The following EPHA6 variants were observed in gnomAD, a reference collection of about 807,000 sequenced individuals.
The protein encoded by EPHA6 is ephrin type-A receptor 6.
EPHA6 carries 50 observed loss-of-function variants against 112.0 expected under a neutral mutation model. The observed-to-expected ratio is 0.45, with a 90% CI of 0.36 to 0.56. The LOEUF is 0.56. Among genes scored for constraint, EPHA6 ranks in the 20% least tolerant of loss-of-function variants. The pLI is 0.00. For synonymous variants in EPHA6, 529 were observed against 490.7 expected (o/e 1.08, Z -1.03); for missense variants, 1,280 against 1,417.4 (o/e 0.90, Z 1.56).
intron 3 of EPHA6, among the ~76,000 whole-genome samples, chr3:97,097,722 A>G (rs1464986882): frequency 6.6e-6 from 1 of 151,918 alleles, no homozygotes; most frequent in East Asian, 1.9e-4. Flanking sequence ...CATAATAGGT[A>G]CAATAAATGT....
At chr3:97,362,920 G>C (rs2084453835) in intron 5 of EPHA6, among the ~76,000 whole-genome samples, 1 of 151,182 alleles carries the variant, frequency 6.6e-6, no homozygotes, top group Non-Finnish European at 1.5e-5. Flanking sequence ...CAATGCTCCT[G>C]ACAAAAAGGA....
At chr3:97,293,478 GA>G (rs1304626102) in intron 5 of EPHA6, among the ~76,000 whole-genome samples, 2 of 152,200 alleles carry the variant, frequency 1.3e-5, no homozygotes, top group African/African-American at 4.8e-5. Context: ...GAGACTCATG[GA>G]GGGGAGCTCC....
chr3:96,974,597 T>G (rs2042448394), intron 2 of EPHA6, among the ~76,000 whole-genome samples: 1 of 152,060 alleles, frequency 6.6e-6, no homozygotes, highest in African/African-American at 2.4e-5. Context: ...TTATACATGC[T>G]TCTACAGAAT....
chr3:97,250,080 T>C lies in EPHA6; in HGVS notation c.1606+5793T>C, dbSNP rs1489571286. On this transcript the variant is annotated intron_variant, in intron 5 of 17. Transcript: ENST00000389672. ...AGCAGATCACGAATTGAAGAGAAAA[T>C]CTTGTAACTATATAAAAGAAGACTA... Among the ~76,000 whole-genome samples, 5 of 152,168 alleles carry C rather than the reference T, an allele frequency of 3.3e-5. No individual in the cohort carries two copies. In the East Asian group the frequency reaches 9.7e-4, roughly 29 times the overall value.
At chr3:97,476,044 A>T (rs972348567) in intron 8 of EPHA6, among the ~76,000 whole-genome samples, 3 of 152,270 alleles carry the variant, frequency 2.0e-5, no homozygotes, top group African/African-American at 7.2e-5. Context: ...TACAGGTTTG[A>T]TACAAAAGTA....
chr3:97,023,361 G>C (rs978587975), intron 3 of EPHA6, among the ~76,000 whole-genome samples: 4 of 152,126 alleles, frequency 2.6e-5, no homozygotes, highest in Non-Finnish European at 5.9e-5. Flanking sequence ...TTACAGGCTT[G>C]AGCCACCGCT....
intron 3 of EPHA6, among the ~76,000 whole-genome samples, chr3:97,054,706 G>A (rs1470955771): frequency 6.6e-6 from 1 of 151,920 alleles, no homozygotes; most frequent in East Asian, 1.9e-4. Context: ...TATAATTATT[G>A]CTTCAAAAAG....
intron 5 of EPHA6, among the ~76,000 whole-genome samples, chr3:97,348,777 A>G (rs1329337410): frequency 6.6e-6 from 1 of 152,068 alleles, no homozygotes; most frequent in Non-Finnish European, 1.5e-5. Context: ...GGGGCAGGAT[A>G]GTCTGGGAGC....
chr3:97,102,691 A>C (rs145581318), intron 3 of EPHA6, among the ~76,000 whole-genome samples: 110 of 152,192 alleles, frequency 7.2e-4, no homozygotes, highest in African/African-American at 2.6e-3. Flanking sequence ...TTTTTGAGGA[A>C]TCACCATGCT....
At chr3:96,818,627 T>C (rs1216541093) in intron 1 of EPHA6, among the ~76,000 whole-genome samples, 1 of 151,986 alleles carries the variant, frequency 6.6e-6, no homozygotes, top group Non-Finnish European at 1.5e-5. Context: ...TGGCCTAAAA[T>C]TAGTTTTATC....
chr3:97,309,819 A>C (rs1022945608), intron 5 of EPHA6, among the ~76,000 whole-genome samples: 1 of 151,658 alleles, frequency 6.6e-6, no homozygotes, highest in Non-Finnish European at 1.5e-5. Flanking sequence ...GAACAAACAA[A>C]ATGTTTTTAG....
chr3:96,947,317 T>A (rs1347596001), intron 2 of EPHA6, among the ~76,000 whole-genome samples: 1 of 152,202 alleles, frequency 6.6e-6, no homozygotes, highest in Non-Finnish European at 1.5e-5. Context: ...GTTTTAGGTC[T>A]AACATTTAAG....
chr3:97,124,870 T>C (rs1038665703), intron 3 of EPHA6, among the ~76,000 whole-genome samples: 1 of 152,122 alleles, frequency 6.6e-6, no homozygotes, highest in African/African-American at 2.4e-5. Context: ...AATTTTAAGG[T>C]TAGGTATCAA....
intron 3 of EPHA6, among the ~76,000 whole-genome samples, chr3:97,013,066 A>C (rs1462197299): frequency 6.6e-6 from 1 of 152,056 alleles, no homozygotes. Flanking sequence ...CCCTGTTGAT[A>C]ATTTCTTTTG....
intron 2 of EPHA6, among the ~76,000 whole-genome samples, chr3:96,894,186 A>G (rs1032800127): frequency 1.3e-5 from 2 of 152,204 alleles, no homozygotes; most frequent in Admixed American, 6.5e-5. Flanking sequence ...CAAGTATGTC[A>G]GTAAGAACAC....
intron 3 of EPHA6, among the ~76,000 whole-genome samples, chr3:97,220,252 A>G (rs1215749437): frequency 6.6e-6 from 1 of 152,116 alleles, no homozygotes; most frequent in Non-Finnish European, 1.5e-5. Flanking sequence ...CCAGGTCTCT[A>G]GAAAGTTCCA....
At chr3:97,205,433 G>A (rs1035492870) in intron 3 of EPHA6, among the ~76,000 whole-genome samples, 4 of 151,670 alleles carry the variant, frequency 2.6e-5, no homozygotes, top group African/African-American at 9.7e-5. Context: ...TTGGGAAATG[G>A]CAATTCATTT....
At chr3:97,314,286 T>G (rs1051672102) in intron 5 of EPHA6, among the ~76,000 whole-genome samples, 3 of 151,656 alleles carry the variant, frequency 2.0e-5, no homozygotes, top group African/African-American at 4.8e-5. Context: ...AGCTTTATAA[T>G]CAGGGAGTGC....
At chr3:97,451,698 G>C (rs2090535307) in intron 7 of EPHA6, among the ~76,000 whole-genome samples, 1 of 151,544 alleles carries the variant, frequency 6.6e-6, no homozygotes, top group Non-Finnish European at 1.5e-5. Flanking sequence ...CATATGGATA[G>C]GTTTCCCATA....
Sources: allele counts gnomAD v4.1 joint callset (sites outside exome capture counted in the v4.1 genomes callset), GRCh38; gene constraint gnomAD v4.1.1; transcripts MANE v1.5; gene names NCBI Gene and HGNC (gene_info 2026-07-23, HGNC 2026-07-21).